Variants in NAALADL2 observed in about 807,000 individuals in gnomAD.
NAALADL2 encodes the protein N-acetylated alpha-linked acidic dipeptidase like 2, also known as inactive N-acetylated-alpha-linked acidic dipeptidase-like protein 2.
A neutral mutation model predicts 87.2 loss-of-function variants in NAALADL2; 76 were observed. The ratio of observed to expected loss-of-function variants is 0.87; its 90% CI spans 0.72 to 1.05. The LOEUF (loss-of-function observed/expected upper bound fraction) is 1.05, where lower values mean the gene tolerates loss of function less well. Ranked by LOEUF, NAALADL2 falls within the 50% of genes least tolerant of loss-of-function variation. NAALADL2 has a pLI of 0.00. For missense variants in NAALADL2, 1,089 were observed against 945.8 expected (o/e 1.15, Z -1.99); for synonymous variants, 354 against 331.0 (o/e 1.07, Z -0.75).
intron 1 of NAALADL2, among the ~76,000 whole-genome samples, chr3:174,863,564 T>G (rs1206390463): frequency 6.7e-6 from 1 of 149,682 alleles, no homozygotes; most frequent in African/African-American, 2.4e-5. Flanking sequence ...TAATTCTATT[T>G]AAAATAAGTA....
At chr3:175,560,926 T>C (rs750156385) in intron 9 of NAALADL2, among the ~76,000 whole-genome samples, 1 of 152,136 alleles carries the variant, frequency 6.6e-6, no homozygotes, top group Non-Finnish European at 1.5e-5. Context: ...AGCCCATAAC[T>C]GAACATTTCT....
intron 4 of NAALADL2, among the ~76,000 whole-genome samples, chr3:175,273,633 GTTGT>G (rs764144118): frequency 6.6e-6 from 1 of 151,738 alleles, no homozygotes; most frequent in Non-Finnish European, 1.5e-5. Flanking sequence ...AAATCAAATT[GTTGT>G]TTAAGGAAAT....
At chr3:174,511,952 T>C (rs1440758914) in intron 1 of NAALADL2, among the ~76,000 whole-genome samples, 1 of 152,124 alleles carries the variant, frequency 6.6e-6, no homozygotes, top group African/African-American at 2.4e-5. Flanking sequence ...TTTCTTCCTC[T>C]TGCCTGTTTT....
At chr3:175,620,504 C>T (rs548083728) in intron 10 of NAALADL2, among the ~76,000 whole-genome samples, 2 of 152,208 alleles carry the variant, frequency 1.3e-5, no homozygotes, top group Non-Finnish European at 2.9e-5. Context: ...TTTTGCTGCT[C>T]TTTCTCCCAT....
chr3:174,949,327 G>A (rs1370707916), intron 1 of NAALADL2, among the ~76,000 whole-genome samples: 1 of 152,002 alleles, frequency 6.6e-6, no homozygotes, highest in African/African-American at 2.4e-5. Context: ...TACCTGTTAC[G>A]ACCTAGCCTC....
chr3:174,447,418 T>C (rs1426464256), intron 1 of NAALADL2, among the ~76,000 whole-genome samples: 4 of 152,218 alleles, frequency 2.6e-5, no homozygotes, highest in Non-Finnish European at 5.9e-5. Flanking sequence ...GTAAAACTTA[T>C]TGCTATATTT....
chr3:174,653,010 C>T (rs1347122690), intron 2 of NAALADL2, among the ~76,000 whole-genome samples: 4 of 152,062 alleles, frequency 2.6e-5, no homozygotes, highest in Admixed American at 2.0e-4. Context: ...AATTAAAATG[C>T]CACACTACAC....
At chr3:174,740,554 G>A (rs1733669406) in intron 3 of NAALADL2, among the ~76,000 whole-genome samples, 1 of 151,752 alleles carries the variant, frequency 6.6e-6, no homozygotes, top group Non-Finnish European at 1.5e-5. Flanking sequence ...GAGTACTATA[G>A]CTCCTGTGTG....
intron 5 of NAALADL2, among the ~76,000 whole-genome samples, chr3:175,393,353 A>G (rs1475155606): frequency 7.0e-6 from 1 of 142,776 alleles, no homozygotes; most frequent in Non-Finnish European, 1.5e-5. Flanking sequence ...CAAATCATGT[A>G]TTTGGAAGCT....
intron 2 of NAALADL2, among the ~76,000 whole-genome samples, chr3:175,223,514 T>G (rs530926828): frequency 6.6e-6 from 1 of 152,250 alleles, no homozygotes; most frequent in South Asian, 2.1e-4. Flanking sequence ...TACCACATAT[T>G]CTTTACCCAT....
intron 1 of NAALADL2, among the ~76,000 whole-genome samples, chr3:175,072,353 A>C (rs1326678847): frequency 6.6e-6 from 1 of 150,776 alleles, no homozygotes; most frequent in Non-Finnish European, 1.5e-5. Context: ...TCATGATGTA[A>C]ATTCTTAATA....
At chr3:175,377,881 C>A (rs1767338149) in intron 5 of NAALADL2, among the ~76,000 whole-genome samples, 1 of 152,118 alleles carries the variant, frequency 6.6e-6, no homozygotes, top group African/African-American at 2.4e-5. Context: ...ATTACCTTCC[C>A]ACCCCATCCC....
At chr3:175,567,125 CAG>C in intron 9 of NAALADL2, among the ~76,000 whole-genome samples, 1 of 152,204 alleles carries the variant, frequency 6.6e-6, no homozygotes, top group East Asian at 1.9e-4. Flanking sequence ...TTAGATGCAA[CAG>C]TTTGGTTGAA....
chr3:175,006,661 G>GT (rs1389537934), intron 1 of NAALADL2, among the ~76,000 whole-genome samples: 17 of 149,910 alleles, frequency 1.1e-4, no homozygotes, highest in Middle Eastern at 3.5e-3. Context: ...AAAAAAAATT[G>GT]TTTTTCTGCT....
At chr3:174,646,394 G>A (rs1336253418) in intron 2 of NAALADL2, among the ~76,000 whole-genome samples, 2 of 152,070 alleles carry the variant, frequency 1.3e-5, no homozygotes, top group Non-Finnish European at 2.9e-5. Flanking sequence ...TTGCTTTCTA[G>A]TTTGGCTGAA....
intron 1 of NAALADL2, among the ~76,000 whole-genome samples, chr3:174,455,010 G>T (rs560105484): frequency 1.3e-5 from 2 of 148,250 alleles, no homozygotes; most frequent in East Asian, 2.0e-4. Context: ...TAAGAGAGAA[G>T]ATACAAATAA....
intron 11 of NAALADL2, among the ~76,000 whole-genome samples, chr3:175,731,538 A>C (rs1743750258): frequency 6.6e-6 from 1 of 152,182 alleles, no homozygotes; most frequent in South Asian, 2.1e-4. Flanking sequence ...AATGTAAAGG[A>C]AAGTTGTTCT....
intron 1 of NAALADL2, among the ~76,000 whole-genome samples, chr3:175,022,287 T>C (rs902429113): frequency 6.6e-6 from 1 of 151,994 alleles, no homozygotes; most frequent in Non-Finnish European, 1.5e-5. Flanking sequence ...AATCATAGGG[T>C]ACAAATAAAT....
At chr3:174,449,072 A>C (rs2108268101) in intron 1 of NAALADL2, among the ~76,000 whole-genome samples, 1 of 152,308 alleles carries the variant, frequency 6.6e-6, no homozygotes, top group East Asian at 1.9e-4. Context: ...TCTGTGAAAT[A>C]AGTTCTTGAA....
Sources: gnomAD v4.1 joint callset for allele counts (sites outside exome capture counted in the v4.1 genomes callset) on GRCh38, gnomAD v4.1.1 for gene constraint, MANE v1.5 for transcripts, NCBI Gene and HGNC (gene_info 2026-07-23, HGNC 2026-07-21) for gene names.